The following CELF6 variants were observed in gnomAD, a reference collection of about 807,000 sequenced individuals.
CELF6 encodes CUGBP Elav-like family member 6.
Under a neutral mutation model 53.1 loss-of-function variants are expected in CELF6, and 32 were observed. The ratio of observed to expected loss-of-function variants is 0.60; its 90% confidence interval spans 0.46 to 0.81. CELF6 has a LOEUF of 0.81. CELF6 is among the 30% of genes least tolerant of loss of function. The pLI is 0.00. For synonymous variants in CELF6, 291 were observed against 288.8 expected, an observed-to-expected ratio of 1.01 and a Z score of -0.08; for missense variants, 539 against 669.5, an observed-to-expected ratio of 0.81 and a Z score of 2.15.
In CELF6 at chr15:72,319,823, G is replaced by A. The variant is rs2079995632; in HGVS notation, c.52C>T (p.Leu18=). Residue 18 remains leucine (L), a synonymous_variant, in exon 1 of 13, where the codon CTG becomes TTG. Coordinates refer to ENST00000287202, the MANE Select transcript of CELF6 (RefSeq NM_052840.5). This position sits in a 1 kb window ranked among gnomAD's most constrained non-coding sequence, Gnocchi z 5.0. ...SAQPAGPGPR[L]GFSTADSGVG... ...CCGCTGTCCGCGGTGCTGAAACCCA[G>A]GCGCGGGCCGGGGCCAGCGGGCTGC... 3.2e-6 allele frequency: 5 copies of A among 1,550,084 alleles called. No homozygotes were observed. Among genetic ancestry groups the A allele is most frequent in the South Asian group, 2.4e-5 (2 of 84,288 alleles).
At chr15:72,307,028 C>A (rs1032861894) in intron 2 of CELF6, among the ~76,000 whole-genome samples, 2 of 151,194 alleles carry the variant, frequency 1.3e-5, no homozygotes, top group Non-Finnish European at 3.0e-5. Flanking sequence ...AGGGAGGAGC[C>A]TGGTAGGGAA....
rs556722577 is a variant in CELF6, at chr15:72,287,220, G to A, written c.*28+17C>T. 6.2e-7 allele frequency: 1 copy of A among 1,604,300 alleles called. No individual in the cohort carries two copies. The highest frequency in any genetic ancestry group is 1.3e-5 in the African/African-American group (1 of 74,838). ...ATCACTCAGGCCTCATCTACCTGGG[G>A]TCCATCAGGGACTCACCTTTCTGTG... On this transcript the variant is annotated intron_variant, in intron 12 of 12. Transcript: ENST00000287202.
In CELF6 at chr15:72,288,585, G is replaced by A; in HGVS notation, c.1127C>T (p.Thr376Ile). ...AYPSAYAPVS[T>I]AFPQQPSALP... ...GGCTGAAGGCTGCTGGGGAAAAGCTGTGCTCACTGGGGCATAGGCCGACGG... is the reference window on the plus strand; with the variant it reads ...GGCTGAAGGCTGCTGGGGAAAAGCTATGCTCACTGGGGCATAGGCCGACGG... The change falls in exon 10 of 13, where the codon ACA becomes ATA. Residue 376 changes from threonine to isoleucine, a missense_variant. Around this residue, in one of 3 missense-constraint regions of CELF6, gnomAD observed 358 missense variants for 412.8 expected, o/e 0.87. Transcript: ENST00000287202. This position sits in a 1 kb window ranked among gnomAD's most constrained non-coding sequence, Gnocchi z 4.6. 1 of 1,581,674 alleles carries A rather than the reference G, an allele frequency of 6.3e-7. No homozygotes were observed. The highest frequency in any genetic ancestry group is 8.6e-7 in the Non-Finnish European group (1 of 1,163,276).
At chr15:72,308,702 TTTTA>T (rs1358408968) in intron 2 of CELF6, among the ~76,000 whole-genome samples, 1 of 152,064 alleles carries the variant, frequency 6.6e-6, no homozygotes, top group African/African-American at 2.4e-5. Context: ...TTTTAAACAT[TTTTA>T]TTTATTTATT....
chr15:72,292,659 C>T (rs2088020836), intron 3 of CELF6, among the ~76,000 whole-genome samples: 1 of 152,248 alleles, frequency 6.6e-6, no homozygotes, highest in African/African-American at 2.4e-5. Context: ...GATCCTTCAT[C>T]TGCTCTGCCT....
intron 1 of CELF6, among the ~76,000 whole-genome samples, chr15:72,317,454 A>G (rs1483144303): frequency 6.6e-6 from 1 of 152,226 alleles, no homozygotes. Flanking sequence ...AAGGGAACTT[A>G]GAGAACTGAG....
intron 3 of CELF6, among the ~76,000 whole-genome samples, chr15:72,296,883 A>C (rs1288769919): frequency 2.0e-5 from 3 of 152,368 alleles, no homozygotes; most frequent in African/African-American, 7.2e-5. Context: ...TACAGAAAGC[A>C]GTATGGCAGT....
At position 72,289,787 on chromosome 15, in the gene CELF6, A is replaced by G; in HGVS notation, c.604-17T>C. On this transcript the variant is annotated splice_polypyrimidine_tract_variant and intron_variant, in intron 5 of 12. Transcript: ENST00000287202. The surrounding 1 kb of genome is among the most constrained non-coding windows in gnomAD (Gnocchi z 7.6). Reference sequence around the variant, plus strand: ...CGAGGCGCCCTGGGCAGGGCAGGGGAGGCCGTGGTGACCGGTCCTGACCCT... The same window carrying G: ...CGAGGCGCCCTGGGCAGGGCAGGGGGGGCCGTGGTGACCGGTCCTGACCCT... 2.1e-6 allele frequency: 3 copies of G among 1,450,570 alleles called. No individual in the cohort carries two copies. Among genetic ancestry groups the G allele is most frequent in the Non-Finnish European group, 1.8e-6 (2 of 1,106,896 alleles). 89.9% of individuals were successfully genotyped at this position (1,450,570 alleles called of 1,614,324 possible). A position where few individuals can be genotyped will look rare whatever the true frequency, so the allele number is the denominator to read the frequency against.
At chr15:72,303,379 A>G (rs2088182487) in intron 3 of CELF6, among the ~76,000 whole-genome samples, 1 of 152,234 alleles carries the variant, frequency 6.6e-6, no homozygotes. Context: ...GAAGGTGATA[A>G]CATTTTGACC....
intron 2 of CELF6, among the ~76,000 whole-genome samples, chr15:72,309,114 T>C (rs2088266093): frequency 6.6e-6 from 1 of 152,258 alleles, no homozygotes; most frequent in Non-Finnish European, 1.5e-5. Context: ...GGTCTCACTA[T>C]GTTGCCCAGG....
intron 3 of CELF6, among the ~76,000 whole-genome samples, chr15:72,292,988 C>T (rs1414710032): frequency 1.3e-5 from 2 of 152,200 alleles, no homozygotes; most frequent in Non-Finnish European, 2.9e-5. Flanking sequence ...GATTGTACCA[C>T]TGCACTCCAG....
intron 3 of CELF6, among the ~76,000 whole-genome samples, chr15:72,296,808 G>A (rs943874215): frequency 1.3e-5 from 2 of 152,204 alleles, no homozygotes; most frequent in African/African-American, 4.8e-5. Context: ...CACAGCGTTG[G>A]CGAGGATGTG....
At position 72,319,936 on chromosome 15, in the gene CELF6, C is replaced by A; in HGVS notation, c.-62G>T. 7.2e-7 allele frequency: 1 copy of A among 1,395,534 alleles called. No homozygotes were observed. The highest frequency in any genetic ancestry group is 9.2e-7 in the Non-Finnish European group (1 of 1,084,066). 86.4% of individuals were successfully genotyped at this position (1,395,534 alleles called of 1,614,324 possible). ...GTCCCGCCTGTCCCGCCGTCCCCTC[C>A]CTGGACCGGTGGCGAGGGCCAGGGG... On this transcript the variant is annotated 5_prime_UTR_variant, in exon 1 of 13. Coordinates refer to ENST00000287202, the MANE Select transcript of CELF6 (RefSeq NM_052840.5). The surrounding 1 kb of genome is among the most constrained non-coding windows in gnomAD (Gnocchi z 5.0).
intron 3 of CELF6, among the ~76,000 whole-genome samples, chr15:72,299,362 CTTTTTTTT>C (rs780048239): frequency 9.4e-5 from 13 of 138,938 alleles, no homozygotes; most frequent in South Asian, 4.6e-4. Context: ...TTTGTTTTTT[CTTTTTTTT>C]TTTTTTTGAA....
intron 2 of CELF6, among the ~76,000 whole-genome samples, chr15:72,309,437 C>T (rs2959923): frequency 0.032 from 4,842 of 152,132 alleles, 158 homozygotes; most frequent in African/African-American, 0.075. Flanking sequence ...TATGTGGACC[C>T]GGGAAGAGGA....
At chr15:72,308,389 G>A (rs1330332615) in intron 2 of CELF6, among the ~76,000 whole-genome samples, 1 of 151,590 alleles carries the variant, frequency 6.6e-6, no homozygotes, top group Non-Finnish European at 1.5e-5. Flanking sequence ...CACCATGCCC[G>A]GCTAATTTTG....
chr15:72,303,803 C>T (rs1379616302), intron 3 of CELF6, among the ~76,000 whole-genome samples: 1 of 152,074 alleles, frequency 6.6e-6, no homozygotes, highest in African/African-American at 2.4e-5. Flanking sequence ...TGGCCAGAAC[C>T]CAGCTGGTTA....
chr15:72,304,618 C>T (rs890673295), intron 3 of CELF6, 128 bp downstream of exon 3: 1 of 801,884 alleles, frequency 1.2e-6, no homozygotes, highest in Admixed American at 2.2e-5. Context: ...GGCTCAGCAA[C>T]TCTGAGCCCC....
intron 3 of CELF6, among the ~76,000 whole-genome samples, chr15:72,299,102 G>A (rs2141193529): frequency 6.6e-6 from 1 of 151,886 alleles, no homozygotes; most frequent in East Asian, 2.0e-4. Context: ...CAGCTACTCG[G>A]GAGGGTGAGG....
Sources: allele counts gnomAD v4.1 joint callset (sites outside exome capture counted in the v4.1 genomes callset), GRCh38; gene constraint gnomAD v4.1.1; regional missense constraint gnomAD v4.1.1; non-coding constraint Gnocchi (gnomAD v3.1); transcripts MANE v1.5; gene names NCBI Gene and HGNC (gene_info 2026-07-23, HGNC 2026-07-21).